CAMK2B: variants seen among roughly 807,000 people sequenced by gnomAD.
CAMK2B encodes the protein calcium/calmodulin dependent protein kinase II beta.
CAMK2B carries 27 observed loss-of-function variants against 93.7 expected under a neutral mutation model. The observed-to-expected ratio is 0.29, with a 90% confidence interval of 0.21 to 0.40. The LOEUF (loss-of-function observed/expected upper bound fraction) is 0.40, where lower values mean the gene tolerates loss of function less well. CAMK2B is among the 10% of genes least tolerant of loss of function. The pLI is 1.00. For synonymous variants in CAMK2B, 374 were observed against 358.8 expected, an observed-to-expected ratio of 1.04 and a Z score of -0.48; for missense variants, 568 against 895.8, an observed-to-expected ratio of 0.63 and a Z score of 4.67.
intron 15 of CAMK2B, 63 bp from the exon 16 acceptor site, chr7:44,232,929 A>G: frequency 1.4e-6 from 2 of 1,464,004 alleles, no homozygotes; most frequent in Non-Finnish European, 9.5e-7. Flanking sequence ...GAGGAAGCGG[A>G]GACCACCAGG....
intron 20 of CAMK2B, among the ~76,000 whole-genome samples, chr7:44,223,516 C>T (rs1374291996): frequency 2.0e-5 from 3 of 152,196 alleles, no homozygotes; most frequent in Non-Finnish European, 4.4e-5. Flanking sequence ...GCACAGGGCT[C>T]TGTCCCAACA....
At chr7:44,274,772 C>T (rs1405131222) in intron 2 of CAMK2B, among the ~76,000 whole-genome samples, 1 of 152,212 alleles carries the variant, frequency 6.6e-6, no homozygotes, top group Non-Finnish European at 1.5e-5. Context: ...GGGGAGGGGG[C>T]TGTGCCCACA....
intron 1 of CAMK2B, among the ~76,000 whole-genome samples, chr7:44,289,286 C>T (rs768790154): frequency 4.6e-5 from 7 of 152,174 alleles, no homozygotes; most frequent in Admixed American, 2.0e-4. Flanking sequence ...GCCAGCTGCC[C>T]GCACCTCTCC....
At chr7:44,229,098 G>A (rs1172658382) in intron 18 of CAMK2B, 174 bp from the exon 19 acceptor site, 1 of 716,328 alleles carries the variant, frequency 1.4e-6, no homozygotes, top group Non-Finnish European at 2.5e-6. Context: ...GCAAGCTGAG[G>A]TGGAGTGAGG....
intron 1 of CAMK2B, among the ~76,000 whole-genome samples, chr7:44,288,618 TA>T (rs1785802451): frequency 6.6e-6 from 1 of 152,216 alleles, no homozygotes; most frequent in African/African-American, 2.4e-5. Flanking sequence ...ATGGGGCTTT[TA>T]AAATCAAATA....
chr7:44,320,793 C>T (rs1348238920), intron 1 of CAMK2B, among the ~76,000 whole-genome samples: 4 of 152,204 alleles, frequency 2.6e-5, no homozygotes, highest in East Asian at 1.9e-4. Flanking sequence ...GGAGCCAGGC[C>T]GGAAGGCAGA....
chr7:44,265,578 C>T (rs2096915378), intron 2 of CAMK2B, among the ~76,000 whole-genome samples: 1 of 152,212 alleles, frequency 6.6e-6, no homozygotes. Flanking sequence ...GAGAAAGATG[C>T]AATTATGAAC....
At chr7:44,278,682 T>C (rs1270099898) in intron 2 of CAMK2B, among the ~76,000 whole-genome samples, 1 of 152,196 alleles carries the variant, frequency 6.6e-6, no homozygotes, top group Non-Finnish European at 1.5e-5. Flanking sequence ...GCATCCTTCC[T>C]CTACGGTCTC....
At position 44,220,881 on chromosome 7, in the gene CAMK2B, T is replaced by C; in HGVS notation, c.1618A>G (p.Lys540Glu). Reference protein sequence around the residue: ...PTPSRKQEIIKTTEQLIEAVN... With the variant: ...PTPSRKQEIIETTEQLIEAVN... ...GCCTCGATGAGCTGCTCCGTGGTCT[T>C]AATGATCTCCTGCTTCCGGGCTGTG... Residue 540 changes from lysine (K) to glutamate (E), a missense_variant, in exon 21 of 24, where the codon AAG (lysine) becomes GAG (glutamate). Lys to Glu is a moderately conservative substitution (Grantham distance 56). Transcript: ENST00000395749. 1 of 1,571,954 alleles carries C rather than the reference T, an allele frequency of 6.4e-7. No homozygotes were observed. Among genetic ancestry groups the C allele is most frequent in the Non-Finnish European group, 8.6e-7 (1 of 1,157,526 alleles).
chr7:44,321,307 C>A (rs1403108374), intron 1 of CAMK2B, among the ~76,000 whole-genome samples: 1 of 152,204 alleles, frequency 6.6e-6, no homozygotes, highest in Non-Finnish European at 1.5e-5. Context: ...CCCCCGCGAG[C>A]GGTCAGGCCA....
intron 5 of CAMK2B, among the ~76,000 whole-genome samples, chr7:44,252,780 A>G (rs1029194264): frequency 1.4e-4 from 22 of 152,278 alleles, no homozygotes; most frequent in African/African-American, 5.1e-4. Context: ...GCTCTGTGAC[A>G]TATCTCACCC....
At position 44,246,168 on chromosome 7, in the gene CAMK2B, C is replaced by A. The variant is rs113227097; in HGVS notation, c.414+952G>T. On this transcript the variant is annotated intron_variant, in intron 6 of 23. Transcript: ENST00000395749. ...TTGGCAGACCCTGGCGAGTCCTGCT[C>A]TCACCACTCTGCTCCCAGCGGCGTC... Among the ~76,000 whole-genome samples the A allele has an allele frequency of 6.0e-3, 918 of 152,160 alleles. 8 individuals are homozygous for A. Among genetic ancestry groups the A allele is most frequent in the African/African-American group, 0.021 (870 of 41,498 alleles).
At chr7:44,273,629 C>T (rs957115946) in intron 2 of CAMK2B, among the ~76,000 whole-genome samples, 3 of 152,206 alleles carry the variant, frequency 2.0e-5, no homozygotes, top group East Asian at 3.9e-4. Context: ...TGGCTTCCTC[C>T]GGAGACAGCC....
intron 23 of CAMK2B, 75 bp downstream of exon 23, chr7:44,219,985 C>T (rs576466365): frequency 6.6e-4 from 839 of 1,279,736 alleles, no homozygotes; most frequent in Non-Finnish European, 7.9e-4. Flanking sequence ...CGCTCCCCAT[C>T]GCCTCCCCAG....
intron 1 of CAMK2B, among the ~76,000 whole-genome samples, chr7:44,301,037 G>GA (rs1193564529): frequency 6.6e-6 from 1 of 151,984 alleles, no homozygotes; most frequent in East Asian, 1.9e-4. Flanking sequence ...ACAGACAAAA[G>GA]AAAAAATGTC....
chr7:44,262,988 T>C lies in CAMK2B; in HGVS notation c.220+17A>G. On this transcript the variant is annotated intron_variant, in intron 3 of 23. Coordinates refer to ENST00000395749, the MANE Select transcript of CAMK2B (RefSeq NM_001220.5). ...AAGGTGGGGACCCATCCCCGCTCCC[T>C]ACCCCAGGCTGCTCACCGATGTTGG... is the stretch of plus-strand genomic sequence containing the variant. 3 of 1,610,334 alleles carry C rather than the reference T, an allele frequency of 1.9e-6. No homozygotes were observed. Among genetic ancestry groups the C allele is most frequent in the South Asian group, 2.2e-5 (2 of 90,816 alleles).
chr7:44,321,656 G>A (rs1323693249), intron 1 of CAMK2B, among the ~76,000 whole-genome samples: 4 of 152,176 alleles, frequency 2.6e-5, no homozygotes, highest in African/African-American at 9.7e-5. Flanking sequence ...CGCCAAAAAA[G>A]GAGGGGCCCA....
chr7:44,252,825 C>T (rs906775604), intron 5 of CAMK2B, among the ~76,000 whole-genome samples: 1 of 152,240 alleles, frequency 6.6e-6, no homozygotes, highest in Non-Finnish European at 1.5e-5. Flanking sequence ...GGCTCCGTTC[C>T]ACTTTCTACT....
chr7:44,278,646 A>C (rs1488240471), intron 2 of CAMK2B, among the ~76,000 whole-genome samples: 1 of 152,226 alleles, frequency 6.6e-6, no homozygotes, highest in Non-Finnish European at 1.5e-5. Context: ...TTCTGCCTGC[A>C]GAAGAGGGCC....
Sources: gnomAD v4.1 joint callset for allele counts (sites outside exome capture counted in the v4.1 genomes callset) on GRCh38, gnomAD v4.1.1 for gene constraint, MANE v1.5 for transcripts, NCBI Gene and HGNC (gene_info 2026-07-23, HGNC 2026-07-21) for gene names.